The following PPP1R26 variants were observed in gnomAD, a reference collection of about 807,000 sequenced individuals.
The protein encoded by PPP1R26 is protein phosphatase 1 regulatory subunit 26.
A neutral mutation model predicts 67.6 loss-of-function variants in PPP1R26; 22 were observed. The ratio of observed to expected loss-of-function variants is 0.33; its 90% CI spans 0.23 to 0.46. The LOEUF is 0.46. PPP1R26 is among the 20% of genes least tolerant of loss of function. The probability of loss-of-function intolerance (pLI) is 1.00; values close to 1 mark genes in which losing one functional copy is unlikely to be tolerated. For missense variants in PPP1R26, 1,602 were observed against 1,651.4 expected (o/e 0.97, Z 0.52); for synonymous variants, 729 against 717.2 (o/e 1.02, Z -0.26).
At chr9:135,483,733 G>A (rs1489266834) in intron 2 of PPP1R26, among the ~76,000 whole-genome samples, 1 of 152,204 alleles carries the variant, frequency 6.6e-6, no homozygotes, top group African/African-American at 2.4e-5. Flanking sequence ...GCCACCTTTG[G>A]TCTGAAATCT....
Position 135,484,490 on chromosome 9 carries a change from C to T in PPP1R26, c.-21C>T, listed in dbSNP as rs770279912. On this transcript the variant is annotated 5_prime_UTR_variant, in exon 4 of 4. Transcript: ENST00000356818. ...AGAAATAAAGCATCGCCCCTCTGCG[C>T]GCCCCTCCCCGTCTGCTAGAATGTT... 1.6e-5 allele frequency: 24 copies of T among 1,538,504 alleles called. No individual in the cohort carries two copies. Among genetic ancestry groups the T allele is most frequent in the South Asian group, 2.4e-5 (2 of 83,634 alleles).
intron 3 of PPP1R26, 149 bp from the exon 4 acceptor site, chr9:135,484,300 C>G (rs1326557230): frequency 1.7e-6 from 1 of 577,562 alleles, no homozygotes; most frequent in Non-Finnish European, 3.0e-6. Context: ...GTAAGTCGTG[C>G]AAGGACACCC....
rs746059082 is a variant in PPP1R26 at position 135,487,561 on chromosome 9, T to C, written c.3051T>C (p.Ala1017=). 6.4e-7 allele frequency: 1 copy of C among 1,559,930 alleles called. No individual in the cohort carries two copies. The highest frequency in any genetic ancestry group is 1.2e-5 in the South Asian group (1 of 84,934). Residue 1017 remains alanine, a synonymous_variant, in exon 4 of 4, where the codon GCT becomes GCC. Transcript: ENST00000356818. ...LTPSPGAERD[A]GAQADRTPPW... ...CCAGCCCGGGAGCGGAGAGGGACGC[T>C]GGAGCCCAGGCCGACCGCACACCGC... is the stretch of plus-strand genomic sequence containing the variant.
rs201945292 is a variant in PPP1R26, at chr9:135,485,504, C to G, written c.994C>G (p.Gln332Glu). ...ATPCRPSEAA[Q>E]NKGGIKRSAS... ...CCCCTGCCGCCCTTCAGAAGCAGCA[C>G]AGAATAAAGGTGGGATCAAAAGGAG... is the stretch of plus-strand genomic sequence containing the variant. Residue 332 changes from glutamine to glutamate, a missense_variant, in exon 4 of 4, where the codon CAG (glutamine) becomes GAG (glutamate). Transcript: ENST00000356818. The surrounding 1 kb of genome is among the most constrained non-coding windows in gnomAD (Gnocchi z 7.2). 328 of 1,613,006 alleles carry G rather than the reference C, an allele frequency of 2.0e-4. No individual in the cohort carries two copies. Among genetic ancestry groups the G allele is most frequent in the Non-Finnish European group, 2.4e-4 (278 of 1,180,020 alleles).
At position 135,485,461 on chromosome 9, in the gene PPP1R26, C is replaced by T; in HGVS notation, c.951C>T (p.Gly317=). ...SKVTTTQENE[G]STKPATPCRP... ...TCACAACCACGCAGGAGAACGAGGG[C>T]AGCACGAAGCCGGCAACCCCCTGCC... Residue 317 remains glycine, a synonymous_variant, in exon 4 of 4, where the codon GGC becomes GGT. Coordinates refer to ENST00000356818, the MANE Select transcript of PPP1R26 (RefSeq NM_014811.5). This position sits in a 1 kb window ranked among gnomAD's most constrained non-coding sequence, Gnocchi z 7.2. The T allele has an allele frequency of 1.9e-6, 3 of 1,613,000 alleles. No homozygotes were observed. Among genetic ancestry groups the T allele is most frequent in the South Asian group, 2.2e-5 (2 of 91,082 alleles).
At position 135,484,702 on chromosome 9, in the gene PPP1R26, C is replaced by A. The variant is rs151324944; in HGVS notation, c.192C>A (p.Ser64Arg). Residue 64 changes from serine (S) to arginine (R), a missense_variant, in exon 4 of 4, where the codon AGC becomes AGA. Ser to Arg is a moderately radical substitution (Grantham distance 110). Coordinates refer to ENST00000356818, the MANE Select transcript of PPP1R26 (RefSeq NM_014811.5). Reference protein sequence around the residue: ...LQRDGAARGTSDERAAQRGHR... With the variant: ...LQRDGAARGTRDERAAQRGHR... ...GCGACGGGGCTGCTCGGGGCACCAGCGATGAGCGCGCCGCACAGAGGGGCC... is the reference window on the plus strand; with the variant it reads ...GCGACGGGGCTGCTCGGGGCACCAGAGATGAGCGCGCCGCACAGAGGGGCC... 1.9e-6 allele frequency: 3 copies of A among 1,609,558 alleles called. No homozygotes were observed. In the East Asian group the frequency reaches 6.7e-5, roughly 36 times the overall value.
In PPP1R26 at chr9:135,486,908, G is replaced by T; in HGVS notation, c.2398G>T (p.Ala800Ser). 6.2e-7 allele frequency: 1 copy of T among 1,612,810 alleles called. No individual in the cohort carries two copies. The highest frequency in any genetic ancestry group is 8.5e-7 in the Non-Finnish European group (1 of 1,179,936). ...AALAFRVRRP[A>S]SASASEGNPF... ...CCTGGCCTTCCGGGTGAGGAGACCC[G>T]CCTCCGCCTCTGCCTCCGAAGGGAA... Residue 800 changes from alanine (A) to serine (S), a missense_variant, in exon 4 of 4, where the codon GCC (alanine) becomes TCC (serine). Physicochemically the swap from Ala to Ser is moderately conservative, Grantham distance 99 (BLOSUM62 1). Coordinates refer to ENST00000356818, the MANE Select transcript of PPP1R26 (RefSeq NM_014811.5). This position sits in a 1 kb window ranked among gnomAD's most constrained non-coding sequence, Gnocchi z 6.2.
rs548374471 is a variant in PPP1R26, at chr9:135,487,486, C to T, written c.2976C>T (p.Gly992=). The change falls in exon 4 of 4, where the codon GGC becomes GGT. Residue 992 remains glycine, a synonymous_variant. Transcript: ENST00000356818. ...SCATAGTEAG[G]ARGTFHMGCG... is the part of the protein sequence containing the mutation. ...CCACAGCGGGCACCGAGGCAGGAGG[C>T]GCCAGAGGAACCTTTCACATGGGCT... is the stretch of plus-strand genomic sequence containing the variant. The T allele has an allele frequency of 9.9e-6, 16 of 1,610,388 alleles. No individual in the cohort carries two copies. The highest frequency in any genetic ancestry group is 7.7e-5 in the South Asian group (7 of 90,926).
At position 135,486,038 on chromosome 9, in the gene PPP1R26, C is replaced by T; in HGVS notation, c.1528C>T (p.Pro510Ser). The change falls in exon 4 of 4, where the codon CCA (proline) becomes TCA (serine). Residue 510 changes from proline to serine, a missense_variant. Physicochemically the swap from Pro to Ser is moderately conservative, Grantham distance 74. Transcript: ENST00000356818. The surrounding 1 kb of genome is among the most constrained non-coding windows in gnomAD (Gnocchi z 6.2). ...EGSDGSLSAS[P>S]LFYSPNVPSR... ...CAGTGACGGGTCCCTGTCCGCAAGCCCACTCTTCTACTCCCCGAACGTGCC... is the reference window on the plus strand; with the variant it reads ...CAGTGACGGGTCCCTGTCCGCAAGCTCACTCTTCTACTCCCCGAACGTGCC... 1 of 1,613,178 alleles carries T rather than the reference C, an allele frequency of 6.2e-7. No individual in the cohort carries two copies. Among genetic ancestry groups the T allele is most frequent in the Middle Eastern group, 1.7e-4 (1 of 6,028 alleles).
In PPP1R26 at chr9:135,485,232, A is replaced by G; in HGVS notation, c.722A>G (p.Glu241Gly). 1 of 1,612,954 alleles carries G rather than the reference A, an allele frequency of 6.2e-7. No individual in the cohort carries two copies. The highest frequency in any genetic ancestry group is 2.2e-5 in the East Asian group (1 of 44,880). ...EQFLNEKRQH[E>G]TQKCDGSVEK... ...TTTCTGAATGAGAAGAGACAGCATG[A>G]GACCCAAAAATGTGATGGGTCAGTG... The change falls in exon 4 of 4, where the codon GAG becomes GGG. Residue 241 changes from glutamate to glycine, a missense_variant. Around this residue, in one of 5 missense-constraint regions of PPP1R26, gnomAD observed 680 missense variants for 726.1 expected, o/e 0.94. Transcript: ENST00000356818. This position sits in a 1 kb window ranked among gnomAD's most constrained non-coding sequence, Gnocchi z 7.2.
At chr9:135,480,776 T>C (rs995793534) in intron 1 of PPP1R26, 4 of 152,326 alleles carry the variant, frequency 2.6e-5, no homozygotes, top group African/African-American at 9.7e-5. Flanking sequence ...GGGAGCTGAA[T>C]TCTAGCCCAC....
rs1295909057 is a variant in PPP1R26, at chr9:135,479,812, G to A, written c.-539G>A. 1 of 144,920 alleles carries A rather than the reference G, an allele frequency of 6.9e-6. No homozygotes were observed. Among genetic ancestry groups the A allele is most frequent in the Non-Finnish European group, 1.5e-5 (1 of 65,310 alleles). The allele number at this position is 144,920 out of a possible 1,614,324, so 9.0% of individuals were successfully genotyped here. On this transcript the variant is annotated 5_prime_UTR_variant, in exon 1 of 4. Transcript: ENST00000356818. The surrounding 1 kb of genome is among the most constrained non-coding windows in gnomAD (Gnocchi z 5.9). ...CCCGCGCTTCCCACGGCGCGGCCCG[G>A]GCGCGGGGCGGCGGCAGCGGCGGCG... is the stretch of plus-strand genomic sequence containing the variant.
At chr9:135,480,891 G>A (rs3789911) in intron 1 of PPP1R26, 122,169 of 152,402 alleles carry the variant, frequency 0.8, 49,644 homozygotes, top group African/African-American at 0.94. Context: ...ACCCTGGGGG[G>A]AAACCCCACC....
Position 135,486,661 on chromosome 9 carries a change from G to T in PPP1R26, c.2151G>T (p.Ala717=). The change falls in exon 4 of 4, where the codon GCG becomes GCT. Residue 717 remains alanine, a synonymous_variant. Transcript: ENST00000356818. The surrounding 1 kb of genome is among the most constrained non-coding windows in gnomAD (Gnocchi z 6.2). ...AGAGGTGCAGGGAGCCCAGGGCTGC[G>T]TGCAGGAAGAAGGTCAGGTTCAGCA... ...LKKRCREPRA[A]CRKKVRFSTA... 1.2e-6 allele frequency: 2 copies of T among 1,609,270 alleles called. No homozygotes were observed. Among genetic ancestry groups the T allele is most frequent in the African/African-American group, 2.7e-5 (2 of 74,854 alleles).
Position 135,485,747 on chromosome 9 carries a change from A to C in PPP1R26, c.1237A>C (p.Ser413Arg). ...PAHSTSSATK[S>R]ALPETHRKTP... is the part of the protein sequence containing the mutation. Reference sequence around the variant, plus strand: ...ACACAGCACAAGCAGTGCCACAAAAAGTGCCTTGCCCGAGACCCACAGGAA... The same window carrying C: ...ACACAGCACAAGCAGTGCCACAAAACGTGCCTTGCCCGAGACCCACAGGAA... The change falls in exon 4 of 4, where the codon AGT becomes CGT. Residue 413 changes from serine to arginine, a missense_variant. Ser to Arg is a moderately radical substitution (Grantham distance 110). This residue lies in a region of PPP1R26 where 680 missense variants were observed against 726.1 expected (regional missense o/e 0.94). Coordinates refer to ENST00000356818, the MANE Select transcript of PPP1R26 (RefSeq NM_014811.5). The surrounding 1 kb of genome is among the most constrained non-coding windows in gnomAD (Gnocchi z 7.2). The C allele has an allele frequency of 6.2e-7, 1 of 1,610,878 alleles. No homozygotes were observed. The highest frequency in any genetic ancestry group is 8.5e-7 in the Non-Finnish European group (1 of 1,179,996).
In PPP1R26 at chr9:135,486,404, C is replaced by A; in HGVS notation, c.1894C>A (p.His632Asn). The A allele has an allele frequency of 6.2e-7, 1 of 1,613,120 alleles. No homozygotes were observed. Among genetic ancestry groups the A allele is most frequent in the Middle Eastern group, 1.6e-4 (1 of 6,062 alleles). The change falls in exon 4 of 4, where the codon CAT (histidine) becomes AAT (asparagine). Residue 632 changes from histidine to asparagine, a missense_variant. Physicochemically the swap from His to Asn is moderately conservative, Grantham distance 68. This residue lies in a region of PPP1R26 where 680 missense variants were observed against 726.1 expected (regional missense o/e 0.94). Coordinates refer to ENST00000356818, the MANE Select transcript of PPP1R26 (RefSeq NM_014811.5). This position sits in a 1 kb window ranked among gnomAD's most constrained non-coding sequence, Gnocchi z 6.2. ...DHSQGRAEPG[H>N]ERRDLPIQGK... is the part of the protein sequence containing the mutation. Reference sequence around the variant, plus strand: ...CAGCCAGGGGAGAGCTGAGCCCGGCCATGAGAGGCGAGACCTGCCCATCCA... The same window carrying A: ...CAGCCAGGGGAGAGCTGAGCCCGGCAATGAGAGGCGAGACCTGCCCATCCA...
At chr9:135,481,376 A>G (rs1830515822) in intron 1 of PPP1R26, among the ~76,000 whole-genome samples, 1 of 150,344 alleles carries the variant, frequency 6.7e-6, no homozygotes, top group Non-Finnish European at 1.5e-5. Context: ...GAGTAGCTGG[A>G]ACTACAGACG....
intron 1 of PPP1R26, among the ~76,000 whole-genome samples, chr9:135,481,031 C>T (rs1830497596): frequency 6.6e-6 from 1 of 152,130 alleles, no homozygotes; most frequent in Non-Finnish European, 1.5e-5. Flanking sequence ...TGGTTCTCTC[C>T]AGAAGGTTGA....
rs534583468 is a variant in PPP1R26, at chr9:135,485,446, G to C, written c.936G>C (p.Thr312=). ...GCCTCAGGTCCAAGGTCACAACCAC[G>C]CAGGAGAACGAGGGCAGCACGAAGC... is the stretch of plus-strand genomic sequence containing the variant. ...PRSLRSKVTT[T]QENEGSTKPA... The change falls in exon 4 of 4, where the codon ACG becomes ACC. Residue 312 remains threonine (T), a synonymous_variant. Coordinates refer to ENST00000356818, the MANE Select transcript of PPP1R26 (RefSeq NM_014811.5). This position sits in a 1 kb window ranked among gnomAD's most constrained non-coding sequence, Gnocchi z 7.2. 11 of 1,612,978 alleles carry C rather than the reference G, an allele frequency of 6.8e-6. No individual in the cohort carries two copies. In the Middle Eastern group the frequency reaches 6.6e-4, roughly 97 times the overall value.
Sources: allele counts gnomAD v4.1 joint callset (sites outside exome capture counted in the v4.1 genomes callset), GRCh38; gene constraint gnomAD v4.1.1; regional missense constraint gnomAD v4.1.1; non-coding constraint Gnocchi (gnomAD v3.1); transcripts MANE v1.5; gene names NCBI Gene and HGNC (gene_info 2026-07-23, HGNC 2026-07-21).